ZC3H12B: variants seen among roughly 807,000 people sequenced by gnomAD.
ZC3H12B encodes probable ribonuclease ZC3H12B.
In ZC3H12B, 7 loss-of-function variants were observed where a neutral mutation model predicts 43.9. The ratio of observed to expected loss-of-function variants is 0.16; its 90% CI spans 0.09 to 0.30. ZC3H12B has a LOEUF of 0.30. ZC3H12B is among the 10% of genes least tolerant of loss of function. The pLI is 1.00. For synonymous variants in ZC3H12B, 222 were observed against 241.7 expected (o/e 0.92, Z 0.76); for missense variants, 475 against 670.2 (o/e 0.71, Z 3.22).
the ZC3H12B span, among the ~76,000 whole-genome samples, chrX:65,218,191 A>G: frequency 1.7e-4 from 19 of 112,515 alleles, no homozygotes; most frequent in Non-Finnish European, 3.0e-4. Context: ...AAAGTGGCAG[A>G]TAAGAGGCAG....
chrX:65,285,836 A>G, the ZC3H12B span, among the ~76,000 whole-genome samples: 1 of 111,563 alleles, frequency 9.0e-6, no homozygotes, highest in African/African-American at 3.3e-5. Flanking sequence ...ATGGAAATTT[A>G]CCAATCCACA....
the ZC3H12B span, among the ~76,000 whole-genome samples, chrX:65,259,362 G>A: frequency 8.9e-6 from 1 of 112,037 alleles, no homozygotes; most frequent in Non-Finnish European, 1.9e-5. Context: ...ATAGCCATAT[G>A]CAGAAGATTG....
At chrX:65,293,751 G>T in the ZC3H12B span, among the ~76,000 whole-genome samples, 1 of 110,845 alleles carries the variant, frequency 9.0e-6, no homozygotes, top group Non-Finnish European at 1.9e-5. Flanking sequence ...GTAGAAGAAA[G>T]AACATCAGAG....
chrX:65,382,122 T>C (rs980058837), intron 2 of ZC3H12B, among the ~76,000 whole-genome samples: 1 of 111,593 alleles, frequency 9.0e-6, no homozygotes, highest in Non-Finnish European at 1.9e-5. Flanking sequence ...ATCATCCTGA[T>C]ACCAAAGCCG....
chrX:65,312,531 G>A, the ZC3H12B span, among the ~76,000 whole-genome samples: 1 of 111,452 alleles, frequency 9.0e-6, no homozygotes, highest in Non-Finnish European at 1.9e-5. Flanking sequence ...AAAAAAATGG[G>A]CCCCTCTTGT....
chrX:65,091,980 G>A, the ZC3H12B span, among the ~76,000 whole-genome samples: 2 of 111,686 alleles, frequency 1.8e-5, no homozygotes, highest in Non-Finnish European at 3.8e-5. Flanking sequence ...TAGATCATGG[G>A]GGTGAATCCT....
the ZC3H12B span, among the ~76,000 whole-genome samples, chrX:65,183,029 C>T: frequency 1.8e-5 from 2 of 111,809 alleles, no homozygotes; most frequent in Admixed American, 9.6e-5. Context: ...TCTCAAAGAA[C>T]TTAAAACAGA....
chrX:65,164,845 G>C, the ZC3H12B span, among the ~76,000 whole-genome samples: 3 of 111,970 alleles, frequency 2.7e-5, no homozygotes, highest in East Asian at 8.4e-4. Flanking sequence ...CCCATAATAT[G>C]TTTAAAGAAT....
chrX:65,165,640 G>A, the ZC3H12B span, among the ~76,000 whole-genome samples: 1 of 112,410 alleles, frequency 8.9e-6, no homozygotes, highest in Non-Finnish European at 1.9e-5. Context: ...CATTTTCATG[G>A]CTGCATAGTA....
chrX:65,157,791 C>G, the ZC3H12B span, among the ~76,000 whole-genome samples: 1 of 107,460 alleles, frequency 9.3e-6, no homozygotes, highest in Non-Finnish European at 1.9e-5. Flanking sequence ...TATTATTATA[C>G]TTTAAATTTT....
the ZC3H12B span, among the ~76,000 whole-genome samples, chrX:65,237,554 T>G: frequency 1.8e-5 from 2 of 110,578 alleles, no homozygotes; most frequent in African/African-American, 3.3e-5. Context: ...ATGCCTTTTT[T>G]TTTTTCTCTT....
At chrX:65,037,587 T>C in the ZC3H12B span, among the ~76,000 whole-genome samples, 804 of 111,839 alleles carry the variant, frequency 7.2e-3, 6 homozygotes, top group African/African-American at 0.024. Flanking sequence ...TGAGAATGTT[T>C]TCTAAGCAGA....
the ZC3H12B span, among the ~76,000 whole-genome samples, chrX:65,212,274 AT>A: frequency 1.9e-5 from 1 of 52,005 alleles, no homozygotes; most frequent in Non-Finnish European, 3.1e-5. Flanking sequence ...TATATAATAT[AT>A]AATATAATTA....
At chrX:65,341,145 A>C in the ZC3H12B span, among the ~76,000 whole-genome samples, 31 of 112,437 alleles carry the variant, frequency 2.8e-4, no homozygotes, top group African/African-American at 1.0e-3. Flanking sequence ...TAAGACAGTC[A>C]GACAAGAATA....
intron 3 of ZC3H12B, among the ~76,000 whole-genome samples, chrX:65,430,194 G>T (rs1237220700): frequency 9.0e-6 from 1 of 111,527 alleles, no homozygotes. Context: ...TGCCTGAGCA[G>T]CTGCTCTGCC....
the ZC3H12B span, among the ~76,000 whole-genome samples, chrX:65,200,659 C>A: frequency 1.8e-5 from 2 of 109,535 alleles, no homozygotes; most frequent in African/African-American, 6.7e-5. Context: ...TAGTCTAGAA[C>A]ACCTGGTCTC....
At chrX:65,290,809 CAAG>C in the ZC3H12B span, among the ~76,000 whole-genome samples, 3 of 110,404 alleles carry the variant, frequency 2.7e-5, no homozygotes, top group East Asian at 8.5e-4. Flanking sequence ...AATTTGAACA[CAAG>C]GAGGTAGAGT....
intron 2 of ZC3H12B, among the ~76,000 whole-genome samples, chrX:65,381,082 T>C (rs12891920): frequency 1.6e-4 from 18 of 111,304 alleles, no homozygotes; most frequent in African/African-American, 5.9e-4. Flanking sequence ...GGAATTGAAC[T>C]CAGCTCTGCA....
the ZC3H12B span, among the ~76,000 whole-genome samples, chrX:65,224,031 G>C: frequency 8.9e-6 from 1 of 112,219 alleles, no homozygotes; most frequent in South Asian, 3.7e-4. Context: ...ATTCACAATT[G>C]CAAAAATATG....
Sources: allele counts gnomAD v4.1 joint callset (sites outside exome capture counted in the v4.1 genomes callset), GRCh38; gene constraint gnomAD v4.1.1; transcripts MANE v1.5; gene names NCBI Gene and HGNC (gene_info 2026-07-23, HGNC 2026-07-21).